INPP4B: variants seen among roughly 807,000 people sequenced by gnomAD.
The protein encoded by INPP4B is inositol polyphosphate 4-phosphatase type II.
Under a neutral mutation model 122.5 loss-of-function variants are expected in INPP4B, and 55 were observed. That is an observed-to-expected ratio of 0.45 (90% CI 0.36 to 0.56). The LOEUF (loss-of-function observed/expected upper bound fraction) is 0.56, where lower values mean the gene tolerates loss of function less well. INPP4B is among the 20% of genes least tolerant of loss of function. The probability of loss-of-function intolerance (pLI) is 0.00; values close to 1 mark genes in which losing one functional copy is unlikely to be tolerated. For synonymous variants in INPP4B, 403 were observed against 388.7 expected (o/e 1.04, Z -0.43); for missense variants, 1,000 against 1,097.7 (o/e 0.91, Z 1.26).
chr4:142,133,084 T>A (rs1193653487), intron 18 of INPP4B, among the ~76,000 whole-genome samples: 7 of 152,202 alleles, frequency 4.6e-5, no homozygotes, highest in African/African-American at 1.4e-4. Context: ...GTATTCCTCC[T>A]ACCTCACTGG....
In INPP4B at chr4:142,623,285, A is replaced by G. The variant is rs193128638; in HGVS notation, c.-191+102554T>C. On this transcript the variant is annotated intron_variant, in intron 2 of 25. Transcript: ENST00000262992. ...ATCTCCCTAACAGGGTGGTGAAAAC[A>G]AAGTGCATTTGCTGCCACTCCTACC... is the stretch of plus-strand genomic sequence containing the variant. 5.6e-4 allele frequency among the ~76,000 whole-genome samples: 85 copies of G among 152,080 alleles called. 2 individuals carry two copies. In the East Asian group the frequency reaches 0.015, roughly 27 times the overall value.
At chr4:142,754,509 C>T (rs949667712) in intron 1 of INPP4B, among the ~76,000 whole-genome samples, 3 of 151,934 alleles carry the variant, frequency 2.0e-5, no homozygotes, top group Non-Finnish European at 4.4e-5. Flanking sequence ...TATGCCATAT[C>T]CAGTCTTTAA....
intron 1 of INPP4B, among the ~76,000 whole-genome samples, chr4:142,760,414 G>C (rs774857241): frequency 1.3e-5 from 2 of 152,050 alleles, no homozygotes; most frequent in African/African-American, 2.4e-5. Flanking sequence ...TATCGTAAAA[G>C]GTTATTGTTT....
intron 2 of INPP4B, among the ~76,000 whole-genome samples, chr4:142,678,486 C>T (rs1758134220): frequency 6.6e-6 from 1 of 151,802 alleles, no homozygotes; most frequent in Non-Finnish European, 1.5e-5. Context: ...ACCTCTTGGC[C>T]TCATTTACTT....
intron 1 of INPP4B, among the ~76,000 whole-genome samples, chr4:142,798,238 A>C (rs1777537712): frequency 6.6e-6 from 1 of 151,858 alleles, no homozygotes; most frequent in Middle Eastern, 3.2e-3. Flanking sequence ...GCAACCCAAA[A>C]TGTGGCATGA....
chr4:142,182,597 G>A (rs1315374581), intron 15 of INPP4B, among the ~76,000 whole-genome samples: 1 of 149,140 alleles, frequency 6.7e-6, no homozygotes, highest in Non-Finnish European at 1.5e-5. Context: ...AAAACAGCAC[G>A]GACTCAACAT....
At chr4:142,156,308 G>A (rs763072290) in intron 17 of INPP4B, among the ~76,000 whole-genome samples, 9 of 152,032 alleles carry the variant, frequency 5.9e-5, no homozygotes, top group Non-Finnish European at 1.2e-4. Flanking sequence ...AAATCACAGT[G>A]TTCCACAGAA....
At chr4:142,385,447 G>C (rs534389524) in intron 7 of INPP4B, among the ~76,000 whole-genome samples, 1 of 151,776 alleles carries the variant, frequency 6.6e-6, no homozygotes, top group African/African-American at 2.4e-5. Flanking sequence ...TTCCATTACA[G>C]AAAAACAGGG....
chr4:142,508,492 C>T (rs968473241), intron 2 of INPP4B, among the ~76,000 whole-genome samples: 4 of 152,132 alleles, frequency 2.6e-5, no homozygotes, highest in Non-Finnish European at 5.9e-5. Context: ...CCAGGCTGGT[C>T]TCGAACCCCT....
chr4:142,635,887 G>T, intron 2 of INPP4B, among the ~76,000 whole-genome samples: 1 of 152,146 alleles, frequency 6.6e-6, no homozygotes, highest in Middle Eastern at 3.4e-3. Flanking sequence ...AATAAGTTTT[G>T]AAAGATTTCT....
intron 5 of INPP4B, among the ~76,000 whole-genome samples, chr4:142,411,321 G>C (rs1579986712): frequency 6.6e-6 from 1 of 152,346 alleles, no homozygotes; most frequent in South Asian, 2.1e-4. Flanking sequence ...AAGGGTCAGG[G>C]AAAGAGTTGC....
At chr4:142,067,454 G>A (rs1003753595) in intron 25 of INPP4B, among the ~76,000 whole-genome samples, 6 of 152,262 alleles carry the variant, frequency 3.9e-5, no homozygotes, top group Admixed American at 2.6e-4. Flanking sequence ...CACTAGCAAC[G>A]GAACAAAGCT....
intron 2 of INPP4B, among the ~76,000 whole-genome samples, chr4:142,594,038 G>C (rs1187772280): frequency 1.3e-5 from 2 of 151,884 alleles, no homozygotes; most frequent in Non-Finnish European, 2.9e-5. Flanking sequence ...ATAATAAATT[G>C]AACTAGTTAT....
At chr4:142,114,790 T>A (rs920925284) in intron 21 of INPP4B, among the ~76,000 whole-genome samples, 1 of 152,090 alleles carries the variant, frequency 6.6e-6, no homozygotes, top group Non-Finnish European at 1.5e-5. Flanking sequence ...ATTTATCTAT[T>A]TTCTTCTTTT....
chr4:142,042,558 G>T (rs4956432), intron 25 of INPP4B, among the ~76,000 whole-genome samples: 9,697 of 64,070 alleles, frequency 0.15, 405 homozygotes, highest in Admixed American at 0.2. Context: ...ATGTATGTAT[G>T]TATTTATTTA....
chr4:142,430,930 G>T (rs1809166840), intron 4 of INPP4B, among the ~76,000 whole-genome samples: 1 of 151,978 alleles, frequency 6.6e-6, no homozygotes, highest in Non-Finnish European at 1.5e-5. Context: ...CTTGTTATTT[G>T]ATATTTAACC....
intron 25 of INPP4B, among the ~76,000 whole-genome samples, chr4:142,038,908 T>C (rs1369349946): frequency 6.6e-6 from 1 of 152,196 alleles, no homozygotes; most frequent in African/African-American, 2.4e-5. Flanking sequence ...TTAGTTTTTG[T>C]ATAAGCTCAA....
At chr4:142,053,577 T>G (rs1189139038) in intron 25 of INPP4B, among the ~76,000 whole-genome samples, 2 of 105,030 alleles carry the variant, frequency 1.9e-5, no homozygotes, top group African/African-American at 5.7e-5. Flanking sequence ...AAGTTACAAT[T>G]GTACCTGTAG....
At chr4:142,384,100 C>T (rs1427898185) in intron 7 of INPP4B, 2 of 702,110 alleles carry the variant, frequency 2.8e-6, no homozygotes, top group Admixed American at 4.0e-5. Flanking sequence ...TACTCAAATT[C>T]TGGATGAGTT....
Sources: allele counts gnomAD v4.1 joint callset (sites outside exome capture counted in the v4.1 genomes callset), GRCh38; gene constraint gnomAD v4.1.1; transcripts MANE v1.5; gene names NCBI Gene and HGNC (gene_info 2026-07-23, HGNC 2026-07-21).